AREL1: variants seen among roughly 807,000 people sequenced by gnomAD.
AREL1 encodes apoptosis resistant E3 ubiquitin protein ligase 1.
Under a neutral mutation model 99.0 loss-of-function variants are expected in AREL1, and 62 were observed. The ratio of observed to expected loss-of-function variants is 0.63; its 90% CI spans 0.51 to 0.77. AREL1 has a LOEUF of 0.77. Ranked by LOEUF, AREL1 falls within the 30% of genes least tolerant of loss-of-function variation. The pLI is 0.00. For missense variants in AREL1, 879 were observed against 1,027.6 expected (o/e 0.86, Z 1.98); for synonymous variants, 380 against 376.5 (o/e 1.01, Z -0.11).
In AREL1 at chr14:74,670,077, T is replaced by G; in HGVS notation, c.1658A>C (p.Glu553Ala). ...CTTGCCCACGAGCCGTCCCGCAAACTCATACATTTTCAGGCGCAGATGAGC... is the reference window on the plus strand; with the variant it reads ...CTTGCCCACGAGCCGTCCCGCAAACGCATACATTTTCAGGCGCAGATGAGC... Reference protein sequence around the residue: ...RPAHLRLKMYEFAGRLVGKCL... With the variant: ...RPAHLRLKMYAFAGRLVGKCL... Residue 553 changes from glutamate to alanine, a missense_variant, in exon 14 of 20, where the codon GAG (glutamate) becomes GCG (alanine). Glu to Ala is a moderately radical substitution (Grantham distance 107). Transcript: ENST00000356357. 1.9e-6 allele frequency: 3 copies of G among 1,613,554 alleles called. No individual in the cohort carries two copies. Among genetic ancestry groups the G allele is most frequent in the Non-Finnish European group, 2.5e-6 (3 of 1,179,690 alleles).
chr14:74,710,771 A>C (rs1007774297), intron 1 of AREL1, among the ~76,000 whole-genome samples: 1 of 152,226 alleles, frequency 6.6e-6, no homozygotes, highest in Non-Finnish European at 1.5e-5. Flanking sequence ...GTAAACTATT[A>C]AGCCATCTAA....
At chr14:74,710,585 G>A (rs931248935) in intron 1 of AREL1, among the ~76,000 whole-genome samples, 7 of 152,050 alleles carry the variant, frequency 4.6e-5, no homozygotes, top group Non-Finnish European at 1.0e-4. Flanking sequence ...TAATCACCAA[G>A]AGATACATCA....
chr14:74,672,785 A>G (rs750480931), intron 11 of AREL1, 46 bp downstream of exon 11: 1 of 1,611,820 alleles, frequency 6.2e-7, no homozygotes, highest in East Asian at 2.2e-5. Context: ...TAGACATTCA[A>G]TTGGAAAACT....
intron 5 of AREL1, among the ~76,000 whole-genome samples, chr14:74,679,760 G>A (rs555826932): frequency 3.3e-5 from 5 of 152,156 alleles, no homozygotes; most frequent in South Asian, 2.1e-4. Context: ...CATGGGAGGC[G>A]GAGGTCGCAG....
intron 1 of AREL1, among the ~76,000 whole-genome samples, chr14:74,707,537 T>C (rs1435877181): frequency 6.7e-6 from 1 of 150,322 alleles, no homozygotes; most frequent in African/African-American, 2.5e-5. Context: ...GGCTCACACC[T>C]GTAATCCCAG....
At chr14:74,665,286 T>G (rs113322549) in intron 17 of AREL1, among the ~76,000 whole-genome samples, 1 of 151,234 alleles carries the variant, frequency 6.6e-6, no homozygotes, top group African/African-American at 2.4e-5. Context: ...TTTTTTTTTT[T>G]TGAGACGGAG....
At chr14:74,679,705 G>A (rs1209546908) in intron 5 of AREL1, among the ~76,000 whole-genome samples, 1 of 151,956 alleles carries the variant, frequency 6.6e-6, no homozygotes, top group Non-Finnish European at 1.5e-5. Flanking sequence ...GCAGATGCCT[G>A]TAATCCCAGC....
At chr14:74,691,725 G>A (rs2089886120) in intron 2 of AREL1, among the ~76,000 whole-genome samples, 1 of 152,142 alleles carries the variant, frequency 6.6e-6, no homozygotes, top group Admixed American at 6.6e-5. Context: ...CAAAATATCT[G>A]TCTCAAGGGA....
At chr14:74,672,692 A>G (rs2089376711) in intron 11 of AREL1, 139 bp downstream of exon 11, 1 of 1,187,776 alleles carries the variant, frequency 8.4e-7, no homozygotes, top group Admixed American at 2.2e-5. Flanking sequence ...CCATGATCGC[A>G]CCTCTGCACC....
At chr14:74,670,194 C>CAGAA in intron 13 of AREL1, 68 bp from the exon 14 acceptor site, 1 of 1,449,624 alleles carries the variant, frequency 6.9e-7, no homozygotes, top group Admixed American at 2.2e-5. Flanking sequence ...AAGGACCCTT[C>CAGAA]CTTCCCCAAC....
chr14:74,710,928 T>A (rs557520513), intron 1 of AREL1, among the ~76,000 whole-genome samples: 1 of 152,316 alleles, frequency 6.6e-6, no homozygotes, highest in East Asian at 1.9e-4. Context: ...AGTGCAACTA[T>A]GTTAAAATAA....
At chr14:74,689,037 AG>A (rs2089811600) in intron 2 of AREL1, among the ~76,000 whole-genome samples, 1 of 150,658 alleles carries the variant, frequency 6.6e-6, no homozygotes, top group South Asian at 2.1e-4. Flanking sequence ...TAGTAGAGAC[AG>A]GGTTTCACCA....
intron 11 of AREL1, among the ~76,000 whole-genome samples, chr14:74,672,431 T>A (rs2139876611): frequency 6.6e-6 from 1 of 152,286 alleles, no homozygotes; most frequent in East Asian, 1.9e-4. Flanking sequence ...CAGAGAAATT[T>A]AAGTTTCATG....
At position 74,683,353 on chromosome 14, in the gene AREL1, C is replaced by T; in HGVS notation, c.424G>A (p.Val142Met). 1 of 1,614,158 alleles carries T rather than the reference C, an allele frequency of 6.2e-7. No individual in the cohort carries two copies. The highest frequency in any genetic ancestry group is 8.5e-7 in the Non-Finnish European group (1 of 1,180,034). The part of the protein sequence containing the change: ...VRKAGRYEIT[V>M]KLGGLNVAYS... ...GCCACATTTAATCCACCAAGCTTCACTGTGATTTCATAACGCCCAGCCTTG... is the reference window on the plus strand; with the variant it reads ...GCCACATTTAATCCACCAAGCTTCATTGTGATTTCATAACGCCCAGCCTTG... The change falls in exon 5 of 20, where the codon GTG becomes ATG. Residue 142 changes from valine (V) to methionine (M), a missense_variant. Val to Met is a conservative substitution (Grantham distance 21, BLOSUM62 1). Coordinates refer to ENST00000356357, the MANE Select transcript of AREL1 (RefSeq NM_001039479.2).
intron 5 of AREL1, among the ~76,000 whole-genome samples, chr14:74,677,921 G>A (rs2089530602): frequency 6.7e-6 from 1 of 149,672 alleles, no homozygotes; most frequent in Admixed American, 6.7e-5. Context: ...TAAGTAAAAT[G>A]AAAAAAACTT....
In AREL1 at chr14:74,672,932, C is replaced by T. The variant is rs1298251906; in HGVS notation, c.1321G>A (p.Asp441Asn). 6 of 1,614,148 alleles carry T rather than the reference C, an allele frequency of 3.7e-6. No homozygotes were observed. In the South Asian group the frequency reaches 6.6e-5, roughly 18 times the overall value. ...TCTCGCTGGAAAAAGTTCACCTTGT[C>T]CTGAAAGGTCTCAGAGCCTCCTGGG... is the stretch of plus-strand genomic sequence containing the variant. ...KNIGGSETFQ[D>N]KVNFFQRELR... is the part of the protein sequence containing the mutation. Residue 441 changes from aspartate (D) to asparagine (N), a missense_variant, in exon 11 of 20, where the codon GAC (aspartate) becomes AAC (asparagine). Transcript: ENST00000356357.
chr14:74,698,623 T>C (rs2090019601), intron 1 of AREL1: 1 of 153,286 alleles, frequency 6.5e-6, no homozygotes, highest in African/African-American at 2.4e-5. Flanking sequence ...CAATGCAATG[T>C]TGCAAGTGCC....
At chr14:74,691,480 A>G (rs546047314) in intron 2 of AREL1, among the ~76,000 whole-genome samples, 1 of 152,360 alleles carries the variant, frequency 6.6e-6, no homozygotes, top group East Asian at 1.9e-4. Context: ...AAGTATGAGA[A>G]AACACTATCC....
At chr14:74,668,098 A>G (rs1002439100) in intron 15 of AREL1, among the ~76,000 whole-genome samples, 57 of 152,336 alleles carry the variant, frequency 3.7e-4, no homozygotes, top group African/African-American at 1.3e-3. Flanking sequence ...CTGGATTCTA[A>G]TCTCAGCCCT....
Sources: allele counts gnomAD v4.1 joint callset (sites outside exome capture counted in the v4.1 genomes callset), GRCh38; gene constraint gnomAD v4.1.1; transcripts MANE v1.5; gene names NCBI Gene and HGNC (gene_info 2026-07-23, HGNC 2026-07-21).